The following MARCHF11 variants were observed in gnomAD, a reference collection of about 807,000 sequenced individuals.
MARCHF11 encodes the protein E3 ubiquitin-protein ligase MARCHF11.
Under a neutral mutation model 37.3 loss-of-function variants are expected in MARCHF11, and 29 were observed. The ratio of observed to expected loss-of-function variants is 0.78; its 90% CI spans 0.58 to 1.06. The LOEUF (loss-of-function observed/expected upper bound fraction) is 1.06. Ranked by LOEUF, MARCHF11 falls within the 50% of genes least tolerant of loss-of-function variation. The probability of loss-of-function intolerance (pLI) is 0.00; values close to 1 mark genes in which losing one functional copy is unlikely to be tolerated. For synonymous variants in MARCHF11, 233 were observed against 228.0 expected (o/e 1.02, Z -0.20); for missense variants, 482 against 533.4 (o/e 0.90, Z 0.95).
intron 2 of MARCHF11, among the ~76,000 whole-genome samples, chr5:16,174,667 G>T (rs886914565): frequency 6.6e-6 from 1 of 152,196 alleles, no homozygotes; most frequent in Non-Finnish European, 1.5e-5. Context: ...CATCACTGGT[G>T]AGTTCTTGCA....
chr5:16,156,955 A>C (rs141051564), intron 2 of MARCHF11, among the ~76,000 whole-genome samples: 1 of 151,950 alleles, frequency 6.6e-6, no homozygotes, highest in African/African-American at 2.4e-5. Context: ...TCGTTGATGG[A>C]AACCTTGCTA....
intron 3 of MARCHF11, among the ~76,000 whole-genome samples, chr5:16,080,575 C>T (rs1736591243): frequency 6.6e-6 from 1 of 152,160 alleles, no homozygotes; most frequent in South Asian, 2.1e-4. Context: ...CTTTCTCTCC[C>T]TTAGCCCTCT....
intron 2 of MARCHF11, among the ~76,000 whole-genome samples, chr5:16,169,530 C>T (rs994864269): frequency 2.6e-5 from 4 of 152,182 alleles, no homozygotes; most frequent in African/African-American, 9.6e-5. Context: ...AGAAATGTGT[C>T]CTCAATAAGT....
In MARCHF11 at chr5:16,175,420, G is replaced by A. The variant is rs191776934; in HGVS notation, c.693+2306C>T. 1.0e-3 allele frequency among the ~76,000 whole-genome samples: 154 copies of A among 152,254 alleles called. 3 individuals carry two copies. Among genetic ancestry groups the A allele is most frequent in the African/African-American group, 3.5e-3 (144 of 41,568 alleles). On this transcript the variant is annotated intron_variant, in intron 2 of 3. Coordinates refer to ENST00000332432, the MANE Select transcript of MARCHF11 (RefSeq NM_001102562.3). ...AGAAACATGAAGGTGGCTAGGATGGGATTGAGAAGCACACTTTCCAACAGG... is the reference window on the plus strand; with the variant it reads ...AGAAACATGAAGGTGGCTAGGATGGAATTGAGAAGCACACTTTCCAACAGG...
At chr5:16,074,355 A>C (rs2126544963) in intron 3 of MARCHF11, among the ~76,000 whole-genome samples, 1 of 152,338 alleles carries the variant, frequency 6.6e-6, no homozygotes, top group South Asian at 2.1e-4. Flanking sequence ...TAGAGAAACA[A>C]GAACAAACCA....
intron 2 of MARCHF11, among the ~76,000 whole-genome samples, chr5:16,134,195 C>A (rs551411071): frequency 6.6e-6 from 1 of 152,246 alleles, no homozygotes; most frequent in East Asian, 1.9e-4. Flanking sequence ...ATGACACAGG[C>A]GCTCTCATAA....
At chr5:16,135,012 A>G (rs1427608353) in intron 2 of MARCHF11, among the ~76,000 whole-genome samples, 1 of 150,244 alleles carries the variant, frequency 6.7e-6, no homozygotes, top group African/African-American at 2.5e-5. Flanking sequence ...ACACACACAC[A>G]CACACACACA....
At chr5:16,068,413 T>A (rs1367039610) in intron 3 of MARCHF11, among the ~76,000 whole-genome samples, 1 of 152,180 alleles carries the variant, frequency 6.6e-6, no homozygotes. Context: ...TACTAGCACT[T>A]ACCCCGTTTG....
intron 3 of MARCHF11, among the ~76,000 whole-genome samples, chr5:16,085,065 T>C (rs144060042): frequency 1.1e-3 from 163 of 152,094 alleles, no homozygotes; most frequent in African/African-American, 3.7e-3. Context: ...TAAAATAATA[T>C]GAAGAACAGG....
intron 2 of MARCHF11, among the ~76,000 whole-genome samples, chr5:16,117,783 G>T (rs185085430): frequency 6.6e-6 from 1 of 152,106 alleles, no homozygotes; most frequent in East Asian, 1.9e-4. Context: ...AAATTTACTC[G>T]CTTATCCTAT....
At chr5:16,134,169 CT>C (rs1737568066) in intron 2 of MARCHF11, among the ~76,000 whole-genome samples, 1 of 152,126 alleles carries the variant, frequency 6.6e-6, no homozygotes. Context: ...ACTCATAATA[CT>C]GGTGGGAATG....
At chr5:16,158,573 T>A (rs1235637597) in intron 2 of MARCHF11, among the ~76,000 whole-genome samples, 1 of 151,926 alleles carries the variant, frequency 6.6e-6, no homozygotes, top group Non-Finnish European at 1.5e-5. Context: ...AGAATGGTGG[T>A]TACCAAGGGC....
chr5:16,078,410 C>A (rs1383717093), intron 3 of MARCHF11, among the ~76,000 whole-genome samples: 2 of 152,032 alleles, frequency 1.3e-5, no homozygotes, highest in African/African-American at 4.8e-5. Context: ...TTTAAAAACC[C>A]TATGTCAAAT....
chr5:16,082,025 AG>A (rs1317889526), intron 3 of MARCHF11, among the ~76,000 whole-genome samples: 3 of 152,206 alleles, frequency 2.0e-5, no homozygotes, highest in Non-Finnish European at 4.4e-5. Context: ...ATTAAGGCAT[AG>A]AAAAGCCCAT....
At chr5:16,168,970 C>T (rs1389100050) in intron 2 of MARCHF11, among the ~76,000 whole-genome samples, 4 of 151,890 alleles carry the variant, frequency 2.6e-5, no homozygotes, top group Non-Finnish European at 4.4e-5. Flanking sequence ...AGAACAGGGC[C>T]AAATTATTTC....
chr5:16,174,871 GT>G lies in MARCHF11; in HGVS notation c.693+2854del, dbSNP rs139793313. 6.4e-3 allele frequency among the ~76,000 whole-genome samples: 969 copies of G among 152,314 alleles called. 8 individuals are homozygous for G. The highest frequency in any genetic ancestry group is 0.022 in the African/African-American group (926 of 41,566). On this transcript the variant is annotated intron_variant, in intron 2 of 3. Transcript: ENST00000332432. ...AGAAGGGCCAGACTCCAGAAGTGGAGTCTATTTCCCCTTCTCTTGAATCTGA... is the reference window on the plus strand; with the variant it reads ...AGAAGGGCCAGACTCCAGAAGTGGAGCTATTTCCCCTTCTCTTGAATCTGA...
At chr5:16,080,710 C>T (rs1241317019) in intron 3 of MARCHF11, among the ~76,000 whole-genome samples, 1 of 152,188 alleles carries the variant, frequency 6.6e-6, no homozygotes, top group Non-Finnish European at 1.5e-5. Context: ...AGCTGATCAC[C>T]ATATCTTGTG....
intron 2 of MARCHF11, among the ~76,000 whole-genome samples, chr5:16,159,968 T>C (rs866421199): frequency 6.6e-6 from 1 of 151,970 alleles, no homozygotes; most frequent in Non-Finnish European, 1.5e-5. Context: ...TCTCATCTAA[T>C]TCTCTTTAAA....
intron 3 of MARCHF11, among the ~76,000 whole-genome samples, chr5:16,083,141 G>A (rs907851466): frequency 2.0e-5 from 3 of 152,178 alleles, no homozygotes; most frequent in African/African-American, 7.2e-5. Context: ...TGCTCTGCTT[G>A]TACAGCTCTG....
Sources: gnomAD v4.1 joint callset for allele counts (sites outside exome capture counted in the v4.1 genomes callset) on GRCh38, gnomAD v4.1.1 for gene constraint, MANE v1.5 for transcripts, NCBI Gene and HGNC (gene_info 2026-07-23, HGNC 2026-07-21) for gene names.